Variants in CDK8 observed in about 807,000 individuals in gnomAD.
CDK8 encodes the protein cyclin-dependent kinase 8.
In CDK8, 29 loss-of-function variants were observed where a neutral mutation model predicts 71.5. That is an observed-to-expected ratio of 0.41 (90% CI 0.30 to 0.55). The LOEUF is 0.55. Among genes scored for constraint, CDK8 ranks in the 20% least tolerant of loss-of-function variants. The probability of loss-of-function intolerance (pLI) is 0.37; values close to 1 mark genes in which losing one functional copy is unlikely to be tolerated. For synonymous variants in CDK8, 161 were observed against 192.1 expected, an observed-to-expected ratio of 0.84 and a Z score of 1.34; for missense variants, 288 against 572.6, an observed-to-expected ratio of 0.50 and a Z score of 5.07.
chr13:26,283,671 G>A (rs1245017033), intron 1 of CDK8, among the ~76,000 whole-genome samples: 4 of 151,930 alleles, frequency 2.6e-5, no homozygotes, highest in African/African-American at 7.2e-5. Context: ...AGGCTGAGGC[G>A]GGCGGATCAC....
intron 7 of CDK8, among the ~76,000 whole-genome samples, chr13:26,395,558 TC>T (rs1435495942): frequency 6.6e-6 from 1 of 151,668 alleles, no homozygotes; most frequent in Non-Finnish European, 1.5e-5. Context: ...TAGTAGACTC[TC>T]AGGAAAACCC....
intron 4 of CDK8, among the ~76,000 whole-genome samples, chr13:26,361,236 CCTT>C (rs1874124089): frequency 6.6e-6 from 1 of 152,148 alleles, no homozygotes; most frequent in Non-Finnish European, 1.5e-5. Flanking sequence ...GCAATGCCTA[CCTT>C]CTTCTAAACA....
chr13:26,332,954 C>G (rs370721634), intron 1 of CDK8, among the ~76,000 whole-genome samples: 2 of 152,096 alleles, frequency 1.3e-5, no homozygotes, highest in African/African-American at 4.8e-5. Flanking sequence ...CAATCTGAAA[C>G]TTTTTGATGC....
In CDK8 at chr13:26,396,448, T is replaced by A. The variant is rs1875997615; in HGVS notation, c.860+94T>A. On this transcript the variant is annotated intron_variant, in intron 8 of 12. Transcript: ENST00000381527. ...ATTCAACATAATAAAATACTCAATATAAGATTACTCTAATAAATAATTTTA... is the reference window on the plus strand; with the variant it reads ...ATTCAACATAATAAAATACTCAATAAAAGATTACTCTAATAAATAATTTTA... 7.1e-6 allele frequency: 3 copies of A among 422,068 alleles called. No individual in the cohort carries two copies. In the Admixed American group the frequency reaches 1.3e-4, roughly 18 times the overall value. The allele number at this position is 422,068 out of a possible 1,614,324, so 26.1% of individuals were successfully genotyped here. A position where few individuals can be genotyped will look rare whatever the true frequency, so the allele number is the denominator to read the frequency against.
chr13:26,279,979 G>A (rs1471832971), intron 1 of CDK8, among the ~76,000 whole-genome samples: 1 of 152,192 alleles, frequency 6.6e-6, no homozygotes, highest in Non-Finnish European at 1.5e-5. Context: ...GTGTGTGTGT[G>A]TGTGTGTGTA....
chr13:26,296,952 C>G (rs1032057016), intron 1 of CDK8, among the ~76,000 whole-genome samples: 1 of 152,010 alleles, frequency 6.6e-6, no homozygotes, highest in Middle Eastern at 3.2e-3. Flanking sequence ...AAGGACTAAC[C>G]TGTAGTATTA....
intron 1 of CDK8, among the ~76,000 whole-genome samples, chr13:26,272,790 G>A (rs751449908): frequency 6.6e-6 from 1 of 152,150 alleles, no homozygotes; most frequent in Non-Finnish European, 1.5e-5. Flanking sequence ...GCACTATGAA[G>A]TTACAATGGC....
Position 26,393,367 on chromosome 13 carries a change from A to G in CDK8, c.647A>G (p.Asp216Gly). 1 of 1,484,566 alleles carries G rather than the reference A, an allele frequency of 6.7e-7. No individual in the cohort carries two copies. Among genetic ancestry groups the G allele is most frequent in the Non-Finnish European group, 9.0e-7 (1 of 1,112,448 alleles). 92.0% of individuals were successfully genotyped at this position (1,484,566 alleles called of 1,614,324 possible). A position where few individuals can be genotyped will look rare whatever the true frequency, so the allele number is the denominator to read the frequency against. Residue 216 changes from aspartate to glycine, a missense_variant and splice_region_variant, in exon 7 of 13, where the codon GAT becomes GGT. Asp to Gly is a moderately conservative substitution (Grantham distance 94, BLOSUM62 -1). Coordinates refer to ENST00000381527, the MANE Select transcript of CDK8 (RefSeq NM_001260.3). ...LGARHYTKAI[D>G]IWAIGCIFAE... ...TTTTTTTTTTCTTTTTGTTTTAAAG[A>G]TATTTGGGCTATAGGGTGTATATTT...
intron 1 of CDK8, among the ~76,000 whole-genome samples, chr13:26,286,244 T>C (rs1343285152): frequency 1.3e-5 from 2 of 152,212 alleles, no homozygotes; most frequent in African/African-American, 4.8e-5. Context: ...GGCATCACAT[T>C]ATCTGACTTC....
At chr13:26,365,314 A>G (rs1164123433) in intron 4 of CDK8, among the ~76,000 whole-genome samples, 1 of 152,126 alleles carries the variant, frequency 6.6e-6, no homozygotes, top group Non-Finnish European at 1.5e-5. Flanking sequence ...TTCCTTCTGT[A>G]AACTGATTAT....
Position 26,254,576 on chromosome 13 carries a change from T to C in CDK8, c.-66T>C. Reference sequence around the variant, plus strand: ...TCCCGGGGGCTGCGGCTGCCCGTGCTTCCCCGGTCCCCACCCCTGCCCCCC... The same window carrying C: ...TCCCGGGGGCTGCGGCTGCCCGTGCCTCCCCGGTCCCCACCCCTGCCCCCC... On this transcript the variant is annotated 5_prime_UTR_variant, in exon 1 of 13. Transcript: ENST00000381527. This position sits in a 1 kb window ranked among gnomAD's most constrained non-coding sequence, Gnocchi z 6.7. 1 of 1,380,912 alleles carries C rather than the reference T, an allele frequency of 7.2e-7. No homozygotes were observed. The highest frequency in any genetic ancestry group is 1.3e-5 in the South Asian group (1 of 74,114). The allele number at this position is 1,380,912 out of a possible 1,614,324, so 85.5% of individuals were successfully genotyped here.
intron 1 of CDK8, among the ~76,000 whole-genome samples, chr13:26,282,359 C>T (rs978011770): frequency 1.2e-4 from 19 of 152,180 alleles, no homozygotes; most frequent in African/African-American, 4.6e-4. Flanking sequence ...ATCAGATTAA[C>T]AGCAGATTTC....
intron 1 of CDK8, among the ~76,000 whole-genome samples, chr13:26,261,693 G>A (rs1871778634): frequency 6.6e-6 from 1 of 152,042 alleles, no homozygotes; most frequent in South Asian, 2.1e-4. Flanking sequence ...ACCACATTTT[G>A]TTTATATATT....
At chr13:26,403,521 C>A (rs1265032872) in intron 12 of CDK8, among the ~76,000 whole-genome samples, 1 of 152,036 alleles carries the variant, frequency 6.6e-6, no homozygotes, top group East Asian at 1.9e-4. Context: ...TTCTGTGATA[C>A]CTTCTCCTAT....
chr13:26,317,507 A>G (rs1354510220), intron 1 of CDK8, among the ~76,000 whole-genome samples: 1 of 152,236 alleles, frequency 6.6e-6, no homozygotes, highest in African/African-American at 2.4e-5. Flanking sequence ...TCAAGTACAC[A>G]TGGGACATTT....
chr13:26,261,340 T>G (rs985111589), intron 1 of CDK8, among the ~76,000 whole-genome samples: 3 of 152,190 alleles, frequency 2.0e-5, no homozygotes. Flanking sequence ...ATTCACCCTT[T>G]TAAAAGTATG....
chr13:26,301,717 C>G (rs1335298449), intron 1 of CDK8, among the ~76,000 whole-genome samples: 1 of 152,178 alleles, frequency 6.6e-6, no homozygotes, highest in Non-Finnish European at 1.5e-5. Flanking sequence ...CATAATGTCA[C>G]CTTTGATTAC....
chr13:26,362,258 GGATGGATGGATA>G (rs1380947753), intron 4 of CDK8, among the ~76,000 whole-genome samples: 44 of 151,620 alleles, frequency 2.9e-4, no homozygotes, highest in African/African-American at 7.8e-4. Context: ...ATGGATGGAT[GGATGGATGGATA>G]GATAGATGAA....
chr13:26,308,235 C>T (rs1874129974), intron 1 of CDK8, among the ~76,000 whole-genome samples: 1 of 152,210 alleles, frequency 6.6e-6, no homozygotes, highest in African/African-American at 2.4e-5. Flanking sequence ...TTCATACTGC[C>T]ATGAGGCTGG....
Sources: allele counts gnomAD v4.1 joint callset (sites outside exome capture counted in the v4.1 genomes callset), GRCh38; gene constraint gnomAD v4.1.1; non-coding constraint Gnocchi (gnomAD v3.1); transcripts MANE v1.5; gene names NCBI Gene and HGNC (gene_info 2026-07-23, HGNC 2026-07-21).